DNAH14: variants seen among roughly 807,000 people sequenced by gnomAD.
DNAH14 encodes axonemal beta dynein heavy chain 14.
DNAH14 carries 478 observed loss-of-function variants against 520.9 expected under a neutral mutation model. The ratio of observed to expected loss-of-function variants is 0.92; its 90% confidence interval spans 0.85 to 0.99. The LOEUF (loss-of-function observed/expected upper bound fraction) is 0.99. Ranked by LOEUF, DNAH14 falls within the 50% of genes least tolerant of loss-of-function variation. The pLI is 0.00. For synonymous variants in DNAH14, 1,581 were observed against 1,757.2 expected (o/e 0.90, Z 2.51); for missense variants, 4,831 against 5,234.5 (o/e 0.92, Z 2.38).
intron 42 of DNAH14, among the ~76,000 whole-genome samples, chr1:225,235,004 A>G (rs2091469731): frequency 6.6e-6 from 1 of 152,126 alleles, no homozygotes; most frequent in Non-Finnish European, 1.5e-5. Context: ...AGATAATTTG[A>G]CTTCTTCTCT....
Position 225,097,249 on chromosome 1 carries a change from CTAAAATATACCATA to C in DNAH14, c.3695+13_3695+26del. The C allele has an allele frequency of 6.5e-7, 1 of 1,546,674 alleles. No individual in the cohort carries two copies. The highest frequency in any genetic ancestry group is 1.4e-5 in the African/African-American group (1 of 72,922). On this transcript the variant is annotated intron_variant, in intron 22 of 85. Coordinates refer to ENST00000682510, the MANE Select transcript of DNAH14 (RefSeq NM_001367479.1). ...CTTCAGAAATACGAAGGTAAAATACCTAAAATATACCATATACAGGTTCAAAATGCATTGTGAGT... is the reference window on the plus strand; with the variant it reads ...CTTCAGAAATACGAAGGTAAAATACCTACAGGTTCAAAATGCATTGTGAGT...
chr1:225,043,825 G>A (rs922886146), intron 14 of DNAH14, 36 bp downstream of exon 14: 11 of 1,457,132 alleles, frequency 7.5e-6, no homozygotes, highest in African/African-American at 4.3e-5. Flanking sequence ...ACGAGTAATT[G>A]TATTTTATAT....
chr1:225,104,245 A>C (rs1480096099), intron 23 of DNAH14, among the ~76,000 whole-genome samples: 1 of 152,316 alleles, frequency 6.6e-6, no homozygotes, highest in Non-Finnish European at 1.5e-5. Context: ...CCACTTGATC[A>C]TGGTGGAGAA....
chr1:225,340,126 C>T (rs2095148553), intron 68 of DNAH14, among the ~76,000 whole-genome samples: 1 of 152,108 alleles, frequency 6.6e-6, no homozygotes, highest in Admixed American at 6.6e-5. Context: ...CAAATCCCTC[C>T]ATTGGCTTCT....
chr1:225,024,299 G>C (rs2065930497), intron 11 of DNAH14: 10 of 969,326 alleles, frequency 1.0e-5, no homozygotes, highest in Non-Finnish European at 1.2e-5. Context: ...ATTGGAATTT[G>C]AGTCAATTCC....
chr1:225,386,483 T>C (rs2150795984), intron 81 of DNAH14, among the ~76,000 whole-genome samples: 1 of 152,348 alleles, frequency 6.6e-6, no homozygotes, highest in Admixed American at 6.5e-5. Context: ...TCTACCCATC[T>C]GACAAAGGGC....
chr1:225,197,927 A>C (rs2086363223), intron 38 of DNAH14, among the ~76,000 whole-genome samples: 1 of 152,138 alleles, frequency 6.6e-6, no homozygotes, highest in Non-Finnish European at 1.5e-5. Flanking sequence ...CATTTCTAGG[A>C]GCGTTCTGGA....
rs549618355 is a variant in DNAH14, at chr1:225,023,838, T to C, written c.1331T>C (p.Val444Ala). The C allele has an allele frequency of 2.0e-5, 31 of 1,529,554 alleles. 2 individuals carry two copies. The Admixed American group carries it at 6.0e-4, about 30-fold the overall frequency. 94.7% of individuals were successfully genotyped at this position (1,529,554 alleles called of 1,614,324 possible). A position where few individuals can be genotyped will look rare whatever the true frequency, so the allele number is the denominator to read the frequency against. ...GGTTCTGCTGGAATGCCATTTTCAG[T>C]GGAAAAAAAGAATGAAAATCTTATC... ...FNGSAGMPFS[V>A]EKKNENLIRT... Residue 444 changes from valine (V) to alanine (A), a missense_variant, in exon 11 of 86, where the codon GTG becomes GCG. Physicochemically the swap from Val to Ala is moderately conservative, Grantham distance 64 (BLOSUM62 0). Coordinates refer to ENST00000682510, the MANE Select transcript of DNAH14 (RefSeq NM_001367479.1).
At chr1:225,253,914 A>G (rs1292993724) in intron 44 of DNAH14, among the ~76,000 whole-genome samples, 1 of 152,168 alleles carries the variant, frequency 6.6e-6, no homozygotes, top group Non-Finnish European at 1.5e-5. Flanking sequence ...TGGAAGATTC[A>G]TCTAGGCACT....
chr1:225,193,749 G>A (rs2085750929), intron 38 of DNAH14, among the ~76,000 whole-genome samples: 1 of 152,030 alleles, frequency 6.6e-6, no homozygotes, highest in African/African-American at 2.4e-5. Context: ...AAGAAGAGAG[G>A]AAGTTAAACT....
chr1:225,257,953 A>G lies in DNAH14; in HGVS notation c.6866-7A>G, dbSNP rs2092800699. 6.5e-7 allele frequency: 1 copy of G among 1,540,270 alleles called. No homozygotes were observed. Reference sequence around the variant, plus strand: ...CATTTGAAACTTTTTTTAAAATGTTAACTTAGGAACTTCATTACTAACTAA... The same window carrying G: ...CATTTGAAACTTTTTTTAAAATGTTGACTTAGGAACTTCATTACTAACTAA... On this transcript the variant is annotated splice_polypyrimidine_tract_variant and splice_region_variant and intron_variant, in intron 44 of 85. Coordinates refer to ENST00000682510, the MANE Select transcript of DNAH14 (RefSeq NM_001367479.1).
chr1:225,056,472 C>T (rs560832549), intron 17 of DNAH14, among the ~76,000 whole-genome samples: 133 of 152,194 alleles, frequency 8.7e-4, no homozygotes, highest in African/African-American at 2.8e-3. Context: ...TTCTCCCATT[C>T]TGTAGGTTGC....
At chr1:225,186,446 G>T (rs1293464203) in intron 37 of DNAH14, among the ~76,000 whole-genome samples, 1 of 151,740 alleles carries the variant, frequency 6.6e-6, no homozygotes, top group African/African-American at 2.4e-5. Flanking sequence ...AAACACTTTT[G>T]CTTGAATTAT....
intron 46 of DNAH14, among the ~76,000 whole-genome samples, chr1:225,263,073 C>A (rs1052226226): frequency 6.6e-6 from 1 of 151,446 alleles, no homozygotes; most frequent in East Asian, 1.9e-4. Context: ...AGTTCCCAAG[C>A]CTGTTAAAAT....
chr1:225,228,933 G>C (rs1489983636), intron 41 of DNAH14, among the ~76,000 whole-genome samples: 1 of 152,186 alleles, frequency 6.6e-6, no homozygotes, highest in Non-Finnish European at 1.5e-5. Context: ...AAAGGGCGTA[G>C]ATACAAAGGA....
At position 225,045,719 on chromosome 1, in the gene DNAH14, A is replaced by G. The variant is rs7537651; in HGVS notation, c.1912+1736A>G. On this transcript the variant is annotated intron_variant, in intron 15 of 85. Coordinates refer to ENST00000682510, the MANE Select transcript of DNAH14 (RefSeq NM_001367479.1). ...TTTCAGTACATCAGCCTAGTAGTAC[A>G]TGACATTGATATACCTTTTCACTGG... Among the ~76,000 whole-genome samples, 764 of 152,248 alleles carry G rather than the reference A, an allele frequency of 5.0e-3. 6 individuals are homozygous for G. Among genetic ancestry groups the G allele is most frequent in the African/African-American group, 0.017 (721 of 41,560 alleles).
In DNAH14 at chr1:225,204,235, A is replaced by C; in HGVS notation, c.5939A>C (p.Glu1980Ala). Residue 1980 changes from glutamate to alanine, a missense_variant, in exon 39 of 86, where the codon GAG becomes GCG. Physicochemically the swap from Glu to Ala is moderately radical, Grantham distance 107. Coordinates refer to ENST00000682510, the MANE Select transcript of DNAH14 (RefSeq NM_001367479.1). ...ACAGAGACTGATGATAATATTTTTG[A>C]GGAGATAGAGAAAGTTGTTAAAATT... The part of the protein sequence containing the change: ...DTTETDDNIF[E>A]EIEKVVKIPE... 1 of 1,492,868 alleles carries C rather than the reference A, an allele frequency of 6.7e-7. No individual in the cohort carries two copies. Among genetic ancestry groups the C allele is most frequent in the Non-Finnish European group, 8.9e-7 (1 of 1,128,458 alleles). The allele number at this position is 1,492,868 out of a possible 1,614,324, so 92.5% of individuals were successfully genotyped here.
intron 77 of DNAH14, among the ~76,000 whole-genome samples, chr1:225,374,348 G>A (rs1303373064): frequency 2.0e-5 from 3 of 146,654 alleles, no homozygotes; most frequent in South Asian, 2.2e-4. Flanking sequence ...TGTGATCCCC[G>A]CACCCTGGGT....
At chr1:225,182,702 A>AT (rs1166484363) in intron 36 of DNAH14, among the ~76,000 whole-genome samples, 1 of 152,100 alleles carries the variant, frequency 6.6e-6, no homozygotes, top group East Asian at 1.9e-4. Flanking sequence ...TGCATTTAGT[A>AT]CTGGCCCTGC....
Sources: allele counts gnomAD v4.1 joint callset (sites outside exome capture counted in the v4.1 genomes callset), GRCh38; gene constraint gnomAD v4.1.1; transcripts MANE v1.5; gene names NCBI Gene and HGNC (gene_info 2026-07-23, HGNC 2026-07-21).